Variants in TSPAN13 observed in about 807,000 individuals in gnomAD.
The protein encoded by TSPAN13 is tetraspanin 13, also known as tetraspanin-13.
A neutral mutation model predicts 26.9 loss-of-function variants in TSPAN13; 18 were observed. That is an observed-to-expected ratio of 0.67 (90% CI 0.46 to 0.99). The LOEUF (loss-of-function observed/expected upper bound fraction) is 0.99, where lower values mean the gene tolerates loss of function less well. TSPAN13 is among the 50% of genes least tolerant of loss of function. TSPAN13 has a pLI of 0.00. For synonymous variants in TSPAN13, 116 were observed against 98.4 expected (o/e 1.18, Z -1.06); for missense variants, 201 against 249.6 (o/e 0.81, Z 1.31).
intron 1 of TSPAN13, among the ~76,000 whole-genome samples, chr7:16,763,135 G>T (rs930822772): frequency 6.6e-6 from 1 of 152,178 alleles, no homozygotes; most frequent in Non-Finnish European, 1.5e-5. Flanking sequence ...GTAGAAAAAA[G>T]ATGGGACATT....
At chr7:16,777,966 T>C in intron 4 of TSPAN13, 55 bp downstream of exon 4, 1 of 1,293,404 alleles carries the variant, frequency 7.7e-7, no homozygotes, top group Non-Finnish European at 1.1e-6. Context: ...TAAATAATGA[T>C]TAATGTGGAA....
intron 5 of TSPAN13, among the ~76,000 whole-genome samples, chr7:16,782,428 C>T (rs562226568): frequency 3.3e-5 from 5 of 152,190 alleles, no homozygotes; most frequent in Admixed American, 3.3e-4. Context: ...AGTTGGCACA[C>T]GTATAAAGTG....
chr7:16,778,249 C>T (rs975670947), intron 4 of TSPAN13, among the ~76,000 whole-genome samples: 1 of 152,202 alleles, frequency 6.6e-6, no homozygotes, highest in Non-Finnish European at 1.5e-5. Context: ...GTTATCACAT[C>T]TCTGAGCCCT....
chr7:16,761,612 G>C (rs1784541587), intron 1 of TSPAN13, among the ~76,000 whole-genome samples: 1 of 151,986 alleles, frequency 6.6e-6, no homozygotes, highest in Admixed American at 6.6e-5. Flanking sequence ...TGAACCCCTG[G>C]GCCCAAGCGA....
chr7:16,782,813 A>G lies in TSPAN13; in HGVS notation c.541-604A>G, dbSNP rs74571163. ...CTTTGACTTTGTATTAGTTTTCCAT[A>G]TTTCTGCTGTAACAGGTTACCACAC... On this transcript the variant is annotated intron_variant, in intron 5 of 5. Transcript: ENST00000262067. 6.9e-4 allele frequency among the ~76,000 whole-genome samples: 105 copies of G among 152,268 alleles called. 2 individuals carry two copies. The East Asian group carries it at 0.014, about 20-fold the overall frequency.
intron 5 of TSPAN13, among the ~76,000 whole-genome samples, 182 bp downstream of exon 5, chr7:16,779,298 G>A (rs7794382): frequency 1.3e-5 from 2 of 152,128 alleles, no homozygotes; most frequent in African/African-American, 2.4e-5. Flanking sequence ...CTTTAGGACC[G>A]GGTGAAAGGC....
chr7:16,781,866 T>G (rs1405186168), intron 5 of TSPAN13, among the ~76,000 whole-genome samples: 2 of 152,132 alleles, frequency 1.3e-5, no homozygotes, highest in African/African-American at 4.8e-5. Context: ...ACTACAGATA[T>G]GTAAGTATTT....
In TSPAN13 at chr7:16,773,164, T is replaced by TGG. The variant is rs150701147; in HGVS notation, c.64-3039_64-3038dup. Among the ~76,000 whole-genome samples, 439 of 145,580 alleles carry TGG rather than the reference T, an allele frequency of 3.0e-3. 5 individuals carry two copies. Among genetic ancestry groups the TGG allele is most frequent in the African/African-American group, 9.9e-3 (382 of 38,602 alleles). ...CTCTTACTCGCCTTATAAAAAATCT[T>TGG]GGGGGGGGGCGGTTAGCAATTATTT... On this transcript the variant is annotated intron_variant, in intron 1 of 5. Transcript: ENST00000262067.
chr7:16,765,703 C>T (rs564251206), intron 1 of TSPAN13, among the ~76,000 whole-genome samples: 1 of 152,142 alleles, frequency 6.6e-6, no homozygotes, highest in Non-Finnish European at 1.5e-5. Context: ...AAAACATTAC[C>T]AGCAATGAAT....
chr7:16,775,581 CG>C (rs1312136489), intron 1 of TSPAN13, among the ~76,000 whole-genome samples: 1 of 152,148 alleles, frequency 6.6e-6, no homozygotes, highest in Non-Finnish European at 1.5e-5. Context: ...CCCAGGGACC[CG>C]GTCTTGTGAT....
chr7:16,770,713 C>T (rs545741708), intron 1 of TSPAN13, among the ~76,000 whole-genome samples: 2 of 152,160 alleles, frequency 1.3e-5, no homozygotes, highest in South Asian at 4.1e-4. Flanking sequence ...CCTGTAAGGG[C>T]TGGGATTTGG....
rs1037477605 is a variant in TSPAN13 at position 16,753,854 on chromosome 7, T to G, written c.-114T>G. The G allele has an allele frequency of 4.2e-5, 48 of 1,141,084 alleles. 1 individual carries two copies. The East Asian group carries it at 8.2e-4, about 20-fold the overall frequency. 70.7% of individuals were successfully genotyped at this position (1,141,084 alleles called of 1,614,324 possible). On this transcript the variant is annotated 5_prime_UTR_variant, in exon 1 of 6. Transcript: ENST00000262067. Reference sequence around the variant, plus strand: ...CCCAGGCCCCGGCCCCCCACCCACGTCTGCGTTGCTGCCCCGCCTGGGCCA... The same window carrying G: ...CCCAGGCCCCGGCCCCCCACCCACGGCTGCGTTGCTGCCCCGCCTGGGCCA...
At chr7:16,780,639 C>T (rs1784804139) in intron 5 of TSPAN13, among the ~76,000 whole-genome samples, 1 of 152,158 alleles carries the variant, frequency 6.6e-6, no homozygotes, top group East Asian at 1.9e-4. Flanking sequence ...AGTAATTTCT[C>T]TCTACACATC....
intron 1 of TSPAN13, 150 bp downstream of exon 1, chr7:16,754,180 C>G (rs901517587): frequency 1.7e-5 from 14 of 802,186 alleles, no homozygotes; most frequent in Admixed American, 4.9e-5. Flanking sequence ...CCTCACCATC[C>G]GTCCCCGCCG....
chr7:16,780,225 G>T (rs1292821570), intron 5 of TSPAN13, among the ~76,000 whole-genome samples: 7 of 151,786 alleles, frequency 4.6e-5, no homozygotes, highest in Non-Finnish European at 1.0e-4. Flanking sequence ...TCAGCCTCCC[G>T]AGTAGCTGGG....
In TSPAN13 at chr7:16,753,795, GA is replaced by G; in HGVS notation, c.-172del. 2.0e-6 allele frequency: 1 copy of G among 510,228 alleles called. No individual in the cohort carries two copies. Among genetic ancestry groups the G allele is most frequent in the Admixed American group, 4.7e-5 (1 of 21,290 alleles). 31.6% of individuals were successfully genotyped at this position (510,228 alleles called of 1,614,324 possible). A position where few individuals can be genotyped will look rare whatever the true frequency, so the allele number is the denominator to read the frequency against. ...CGGCCGCAGGTTCCAAAGCGGGTCC[GA>G]GCCGCCGCCGCGCGCGCGCCGCGCA... On this transcript the variant is annotated 5_prime_UTR_variant, in exon 1 of 6. Transcript: ENST00000262067.
At chr7:16,758,856 T>C (rs899663156) in intron 1 of TSPAN13, among the ~76,000 whole-genome samples, 5 of 152,168 alleles carry the variant, frequency 3.3e-5, no homozygotes, top group African/African-American at 1.2e-4. Flanking sequence ...ATTATAATTG[T>C]AACTGTTTGG....
intron 1 of TSPAN13, among the ~76,000 whole-genome samples, chr7:16,766,964 C>CT (rs1409568169): frequency 6.6e-6 from 1 of 152,040 alleles, no homozygotes. Flanking sequence ...TGAGGATTCT[C>CT]TTTGTTGCCC....
At chr7:16,754,308 C>T (rs990861687) in intron 1 of TSPAN13, among the ~76,000 whole-genome samples, 3 of 152,230 alleles carry the variant, frequency 2.0e-5, no homozygotes, top group Non-Finnish European at 4.4e-5. Context: ...CCTCACCCAC[C>T]GCCTTGTTTT....
Sources: gnomAD v4.1 joint callset for allele counts (sites outside exome capture counted in the v4.1 genomes callset) on GRCh38, gnomAD v4.1.1 for gene constraint, MANE v1.5 for transcripts, NCBI Gene and HGNC (gene_info 2026-07-23, HGNC 2026-07-21) for gene names.